The following RSRC1 variants were observed in gnomAD, a reference collection of about 807,000 sequenced individuals.
RSRC1 encodes serine/Arginine-related protein 53.
Under a neutral mutation model 49.1 loss-of-function variants are expected in RSRC1, and 39 were observed. The ratio of observed to expected loss-of-function variants is 0.79; its 90% CI spans 0.61 to 1.04. RSRC1 has a LOEUF of 1.04. RSRC1 is among the 50% of genes least tolerant of loss of function. The pLI is 0.00. For synonymous variants in RSRC1, 143 were observed against 130.8 expected, an observed-to-expected ratio of 1.09 and a Z score of -0.63; for missense variants, 388 against 402.4, an observed-to-expected ratio of 0.96 and a Z score of 0.31.
intron 7 of RSRC1, among the ~76,000 whole-genome samples, chr3:158,497,216 C>T (rs868108393): frequency 2.0e-5 from 3 of 147,504 alleles, no homozygotes; most frequent in South Asian, 2.2e-4. Context: ...CCTTCCCCCT[C>T]CCCCCTAGCC....
intron 5 of RSRC1, among the ~76,000 whole-genome samples, chr3:158,308,769 A>C (rs972953107): frequency 9.9e-5 from 15 of 151,986 alleles, no homozygotes; most frequent in Non-Finnish European, 2.9e-5. Flanking sequence ...AGACCTAAGA[A>C]GACATTATCT....
chr3:158,203,577 T>G (rs1721192199), intron 4 of RSRC1, among the ~76,000 whole-genome samples: 1 of 152,196 alleles, frequency 6.6e-6, no homozygotes, highest in South Asian at 2.1e-4. Context: ...CTGTTTCCTT[T>G]GTTATGAGTA....
intron 4 of RSRC1, among the ~76,000 whole-genome samples, chr3:158,227,352 C>A (rs1252161619): frequency 6.6e-6 from 1 of 151,954 alleles, no homozygotes; most frequent in African/African-American, 2.4e-5. Context: ...AAAATTGCTT[C>A]TTTCCGCCGA....
intron 7 of RSRC1, chr3:158,496,752 T>G (rs1056140122): frequency 4.8e-5 from 14 of 290,194 alleles, no homozygotes; most frequent in Non-Finnish European, 8.7e-5. Context: ...TGGCCCTTTG[T>G]GCTGAACACC....
chr3:158,200,219 T>A (rs1720957341), intron 3 of RSRC1, among the ~76,000 whole-genome samples: 1 of 152,074 alleles, frequency 6.6e-6, no homozygotes, highest in Non-Finnish European at 1.5e-5. Flanking sequence ...TTGTATTTTT[T>A]AGTAGAGACA....
intron 6 of RSRC1, among the ~76,000 whole-genome samples, chr3:158,426,727 A>G (rs902113817): frequency 6.6e-6 from 1 of 151,790 alleles, no homozygotes; most frequent in African/African-American, 2.4e-5. Flanking sequence ...TTCAGTGATC[A>G]AGTTAGAAGC....
At chr3:158,239,584 G>A (rs746646786) in intron 4 of RSRC1, among the ~76,000 whole-genome samples, 2 of 151,768 alleles carry the variant, frequency 1.3e-5, no homozygotes, top group Non-Finnish European at 2.9e-5. Context: ...TGGGGTGGGG[G>A]GCTGGGGGAG....
chr3:158,265,066 T>C (rs1336445459), intron 4 of RSRC1, among the ~76,000 whole-genome samples: 1 of 152,206 alleles, frequency 6.6e-6, no homozygotes, highest in East Asian at 1.9e-4. Flanking sequence ...CTGCCTGGAC[T>C]GCCAGCTCTG....
rs1713188504 is a variant in RSRC1 at position 158,544,034 on chromosome 3, A to T, written c.913-149A>T. The T allele has an allele frequency of 5.5e-6, 3 of 546,134 alleles. No individual in the cohort carries two copies. In the East Asian group the frequency reaches 9.0e-5, roughly 16 times the overall value. The allele number at this position is 546,134 out of a possible 1,614,324, so 33.8% of individuals were successfully genotyped here. Reference sequence around the variant, plus strand: ...TGAGCATTACTAATTCCAAATAGATAGTCATCAATTAAGAGGTCATCAAGA... The same window carrying T: ...TGAGCATTACTAATTCCAAATAGATTGTCATCAATTAAGAGGTCATCAAGA... On this transcript the variant is annotated intron_variant, in intron 9 of 9. Coordinates refer to ENST00000611884, the MANE Select transcript of RSRC1 (RefSeq NM_001271838.2).
chr3:158,410,645 GCTGT>G (rs1734413048), intron 6 of RSRC1, among the ~76,000 whole-genome samples: 1 of 152,008 alleles, frequency 6.6e-6, no homozygotes, highest in Non-Finnish European at 1.5e-5. Flanking sequence ...TAGCTATCTA[GCTGT>G]CTATCTCTAT....
At chr3:158,503,736 G>GCC (rs145757712) in intron 7 of RSRC1, among the ~76,000 whole-genome samples, 40 of 151,882 alleles carry the variant, frequency 2.6e-4, no homozygotes, top group African/African-American at 7.5e-4. Flanking sequence ...CTCCCACCGT[G>GCC]CCCCCCCAAC....
intron 6 of RSRC1, among the ~76,000 whole-genome samples, chr3:158,366,246 C>G (rs1412112636): frequency 6.6e-6 from 1 of 152,100 alleles, no homozygotes; most frequent in African/African-American, 2.4e-5. Context: ...AATGGTATTG[C>G]CTAGGTTTTC....
intron 3 of RSRC1, among the ~76,000 whole-genome samples, chr3:158,127,186 T>C (rs1350796367): frequency 1.3e-5 from 2 of 152,166 alleles, no homozygotes; most frequent in African/African-American, 4.8e-5. Flanking sequence ...TTCTCAGATT[T>C]GGGAATTTTT....
intron 6 of RSRC1, among the ~76,000 whole-genome samples, chr3:158,389,660 A>G (rs1282626609): frequency 6.6e-6 from 1 of 152,224 alleles, no homozygotes; most frequent in Non-Finnish European, 1.5e-5. Context: ...CGAGTTCTGG[A>G]AAATTTAGCA....
chr3:158,127,012 T>C (rs1277187121), intron 3 of RSRC1, among the ~76,000 whole-genome samples: 2 of 152,124 alleles, frequency 1.3e-5, no homozygotes, highest in Non-Finnish European at 2.9e-5. Context: ...AAAGCTCCCT[T>C]GTGTATGACG....
At chr3:158,155,332 A>C (rs1359399774) in intron 3 of RSRC1, among the ~76,000 whole-genome samples, 2 of 152,242 alleles carry the variant, frequency 1.3e-5, no homozygotes, top group Non-Finnish European at 2.9e-5. Context: ...CAGGGACTAC[A>C]GAATGAATGT....
At chr3:158,447,023 G>T (rs555525815) in intron 6 of RSRC1, among the ~76,000 whole-genome samples, 1 of 152,024 alleles carries the variant, frequency 6.6e-6, no homozygotes, top group African/African-American at 2.4e-5. Flanking sequence ...AACTAGTAGG[G>T]GTATCCCAAC....
chr3:158,160,772 A>AT (rs1386784093), intron 3 of RSRC1, among the ~76,000 whole-genome samples: 1 of 152,186 alleles, frequency 6.6e-6, no homozygotes. Flanking sequence ...ATAAAATTGA[A>AT]GTTAAAGTTT....
intron 3 of RSRC1, among the ~76,000 whole-genome samples, chr3:158,187,209 C>G (rs1221171640): frequency 6.6e-6 from 1 of 151,952 alleles, no homozygotes; most frequent in Non-Finnish European, 1.5e-5. Context: ...GAGATGATTA[C>G]AACAGCTATT....
Sources: allele counts gnomAD v4.1 joint callset (sites outside exome capture counted in the v4.1 genomes callset), GRCh38; gene constraint gnomAD v4.1.1; transcripts MANE v1.5; gene names NCBI Gene and HGNC (gene_info 2026-07-23, HGNC 2026-07-21).